The following MGST1 variants were observed in gnomAD, a reference collection of about 807,000 sequenced individuals.
MGST1 encodes microsomal glutathione S-transferase 1.
MGST1 carries 5 observed loss-of-function variants against 8.9 expected under a neutral mutation model. That is an observed-to-expected ratio of 0.56 (90% CI 0.29 to 1.19). The LOEUF is 1.19. Among genes scored for constraint, MGST1 ranks in the 50% most tolerant of loss-of-function variants. MGST1 has a pLI of 0.08. For synonymous variants in MGST1, 54 were observed against 67.8 expected (o/e 0.80, Z 1.00); for missense variants, 182 against 187.4 (o/e 0.97, Z 0.17).
downstream of MGST1, among the ~76,000 whole-genome samples, chr12:16,592,872 A>G (rs1943536182): frequency 6.6e-6 from 1 of 151,936 alleles, no homozygotes; most frequent in Non-Finnish European, 1.5e-5. Context: ...AATAATTTCA[A>G]AAACAGGTAA....
intron 4 of MGST1, among the ~76,000 whole-genome samples, chr12:16,552,409 T>G (rs375764379): frequency 3.3e-5 from 5 of 152,032 alleles, no homozygotes; most frequent in African/African-American, 1.2e-4. Context: ...TAGATTAAAT[T>G]GTGTAGTGAA....
downstream of MGST1, among the ~76,000 whole-genome samples, chr12:16,365,830 A>C (rs568409426): frequency 6.6e-6 from 1 of 152,340 alleles, no homozygotes; most frequent in South Asian, 2.1e-4. Context: ...CAAACTTTAC[A>C]AGATTTTTTG....
At chr12:16,505,622 C>T (rs749538029) in intron 4 of MGST1, among the ~76,000 whole-genome samples, 2 of 152,044 alleles carry the variant, frequency 1.3e-5, no homozygotes, top group Non-Finnish European at 2.9e-5. Flanking sequence ...TCTGCTTTAC[C>T]TGCTGTTATA....
chr12:16,383,911 A>G (rs1369992551), intron 1 of MGST1, among the ~76,000 whole-genome samples: 1 of 152,224 alleles, frequency 6.6e-6, no homozygotes, highest in Non-Finnish European at 1.5e-5. Context: ...TTCTTAAACC[A>G]TACAGGTTTT....
At chr12:16,454,227 C>T (rs976391258) in intron 4 of MGST1, among the ~76,000 whole-genome samples, 3 of 151,986 alleles carry the variant, frequency 2.0e-5, no homozygotes, top group African/African-American at 7.2e-5. Flanking sequence ...AATACTTGTA[C>T]AAATGATTTC....
intron 3 of MGST1, among the ~76,000 whole-genome samples, chr12:16,358,137 C>G (rs1247647557): frequency 1.3e-5 from 2 of 152,200 alleles, no homozygotes; most frequent in Non-Finnish European, 2.9e-5. Flanking sequence ...CCTCTCCCCA[C>G]TGCCATCTCT....
In MGST1 at chr12:16,401,618, A is replaced by C; in HGVS notation, n.778+18014A>C. Reference sequence around the variant, plus strand: ...TACCCATGGCACAAGTGATAGCCCCAAAATACATGTGATTCTTGTCACTCA... The same window carrying C: ...TACCCATGGCACAAGTGATAGCCCCCAAATACATGTGATTCTTGTCACTCA... On this transcript the variant is annotated intron_variant and non_coding_transcript_variant, in intron 1 of 1. Coordinates refer to the MGST1 transcript ENST00000359720. The surrounding 1 kb of genome is among the most constrained non-coding windows in gnomAD (Gnocchi z 4.3). The C allele has an allele frequency of 6.4e-7, 1 of 1,569,232 alleles. No individual in the cohort carries two copies.
At chr12:16,418,896 A>T (rs1940808681) in intron 1 of MGST1, among the ~76,000 whole-genome samples, 1 of 152,152 alleles carries the variant, frequency 6.6e-6, no homozygotes, top group East Asian at 1.9e-4. Context: ...AAGGATCAGT[A>T]AAAAAGTTCA....
intron 4 of MGST1, among the ~76,000 whole-genome samples, chr12:16,573,181 C>T (rs1942879410): frequency 1.3e-5 from 2 of 151,720 alleles, no homozygotes; most frequent in African/African-American, 4.8e-5. Context: ...TTCATAAGTG[C>T]CCCGGACAAA....
At position 16,410,925 on chromosome 12, in the gene MGST1, A is replaced by G. The variant is rs960838176; in HGVS notation, n.779-26463A>G. ...ACCCTGCCAGGCTGGCCTATGTTCA[A>G]TGTTTTGTGTACCTCATATTCCATG... On this transcript the variant is annotated intron_variant and non_coding_transcript_variant, in intron 1 of 1. Transcript: ENST00000359720. This position sits in a 1 kb window ranked among gnomAD's most constrained non-coding sequence, Gnocchi z 4.4. 1.3e-5 allele frequency among the ~76,000 whole-genome samples: 2 copies of G among 151,952 alleles called. No homozygotes were observed. The highest frequency in any genetic ancestry group is 2.4e-5 in the African/African-American group (1 of 41,364).
At chr12:16,581,438 C>T (rs1402231665) in intron 4 of MGST1, among the ~76,000 whole-genome samples, 1 of 152,238 alleles carries the variant, frequency 6.6e-6, no homozygotes, top group Non-Finnish European at 1.5e-5. Flanking sequence ...ATATATAACT[C>T]ATTGAGAATA....
At chr12:16,465,452 T>C (rs936000358) in intron 4 of MGST1, among the ~76,000 whole-genome samples, 1 of 152,130 alleles carries the variant, frequency 6.6e-6, no homozygotes, top group African/African-American at 2.4e-5. Context: ...CTGGATCGCA[T>C]AGCAGGAGGT....
At chr12:16,473,439 A>G (rs931302630) in intron 4 of MGST1, among the ~76,000 whole-genome samples, 1 of 152,006 alleles carries the variant, frequency 6.6e-6, no homozygotes, top group Non-Finnish European at 1.5e-5. Flanking sequence ...CTCACCACCC[A>G]CTCTGGAATG....
chr12:16,445,431 C>G (rs1941072246), intron 4 of MGST1, among the ~76,000 whole-genome samples: 2 of 151,902 alleles, frequency 1.3e-5, no homozygotes, highest in South Asian at 2.1e-4. Context: ...TGCTAGCCAT[C>G]TCTTGTTCAC....
chr12:16,359,799 CAGT>C (rs1939902791), intron 3 of MGST1, among the ~76,000 whole-genome samples: 1 of 152,178 alleles, frequency 6.6e-6, no homozygotes, highest in South Asian at 2.1e-4. Flanking sequence ...ATTAGACCCT[CAGT>C]AGTATTAGTA....
chr12:16,455,626 A>G lies in MGST1; in HGVS notation n.482+72022A>G, dbSNP rs918278935. Among the ~76,000 whole-genome samples, 3 of 151,888 alleles carry G rather than the reference A, an allele frequency of 2.0e-5. No homozygotes were observed. The South Asian group carries it at 6.2e-4, about 31-fold the overall frequency. ...AACAGCAGAATCAAGAAGCCTCATC[A>G]AGTGAAAAATAATCTATGCCTGAGC... On this transcript the variant is annotated intron_variant and non_coding_transcript_variant, in intron 4 of 4. Coordinates refer to the MGST1 transcript ENST00000538857.
chr12:16,499,203 A>T (rs2137165452), intron 4 of MGST1, among the ~76,000 whole-genome samples: 1 of 152,350 alleles, frequency 6.6e-6, no homozygotes, highest in South Asian at 2.1e-4. Flanking sequence ...ATGCTGATGC[A>T]AAATTTACAT....
intron 4 of MGST1, among the ~76,000 whole-genome samples, chr12:16,479,390 A>G (rs10846367): frequency 0.56 from 84,766 of 150,588 alleles, 24,372 homozygotes; most frequent in Non-Finnish European, 0.64. Context: ...GCCCGCCACC[A>G]CGCCCGGCTA....
intron 4 of MGST1, among the ~76,000 whole-genome samples, chr12:16,530,444 C>A (rs1374125727): frequency 6.6e-6 from 1 of 152,054 alleles, no homozygotes; most frequent in Non-Finnish European, 1.5e-5. Context: ...CTACAGGGAA[C>A]TTGACAGCGA....
Sources: gnomAD v4.1 joint callset for allele counts (sites outside exome capture counted in the v4.1 genomes callset) on GRCh38, gnomAD v4.1.1 for gene constraint, Gnocchi (gnomAD v3.1) non-coding constraint, MANE v1.5 for transcripts, NCBI Gene and HGNC (gene_info 2026-07-23, HGNC 2026-07-21) for gene names.